Variants in INPP4B observed in about 807,000 individuals in gnomAD.
INPP4B encodes inositol polyphosphate 4-phosphatase type II.
Under a neutral mutation model 122.5 loss-of-function variants are expected in INPP4B, and 55 were observed. The observed-to-expected ratio is 0.45, with a 90% confidence interval of 0.36 to 0.56. The LOEUF (loss-of-function observed/expected upper bound fraction) is 0.56, where lower values mean the gene tolerates loss of function less well. INPP4B is among the 20% of genes least tolerant of loss of function. The pLI, the probability that INPP4B is intolerant of heterozygous loss-of-function variation, is 0.00. For synonymous variants in INPP4B, 403 were observed against 388.7 expected (o/e 1.04, Z -0.43); for missense variants, 1,000 against 1,097.7 (o/e 0.91, Z 1.26).
chr4:142,750,210 A>G (rs960433638), intron 1 of INPP4B, among the ~76,000 whole-genome samples: 4 of 151,784 alleles, frequency 2.6e-5, no homozygotes, highest in Non-Finnish European at 2.9e-5. Context: ...ACATATGTGG[A>G]AAAAAAATGC....
At chr4:142,257,154 A>C (rs2150323873) in intron 11 of INPP4B, among the ~76,000 whole-genome samples, 1 of 152,152 alleles carries the variant, frequency 6.6e-6, no homozygotes, top group African/African-American at 2.4e-5. Flanking sequence ...AAAATTCAAC[A>C]ACCCTTCATG....
At chr4:142,651,473 G>T (rs1752946374) in intron 2 of INPP4B, among the ~76,000 whole-genome samples, 1 of 151,972 alleles carries the variant, frequency 6.6e-6, no homozygotes, top group African/African-American at 2.4e-5. Flanking sequence ...TAGACCACTA[G>T]CAAGAATAAT....
intron 16 of INPP4B, among the ~76,000 whole-genome samples, chr4:142,172,950 C>A (rs528886721): frequency 6.6e-6 from 1 of 152,036 alleles, no homozygotes; most frequent in East Asian, 1.9e-4. Context: ...TGTCACTTGT[C>A]TTTTTCTATC....
At chr4:142,136,250 G>A (rs548058655) in intron 18 of INPP4B, among the ~76,000 whole-genome samples, 24 of 152,334 alleles carry the variant, frequency 1.6e-4, no homozygotes, top group Admixed American at 4.6e-4. Context: ...TTGGGCTGGC[G>A]TGAAGATGGA....
intron 11 of INPP4B, among the ~76,000 whole-genome samples, chr4:142,252,362 G>A (rs1732698410): frequency 6.6e-6 from 1 of 151,390 alleles, no homozygotes; most frequent in African/African-American, 2.4e-5. Context: ...CTAATTTTTT[G>A]TATTTTTAGT....
At chr4:142,157,284 T>C (rs1454090194) in intron 17 of INPP4B, among the ~76,000 whole-genome samples, 1 of 152,180 alleles carries the variant, frequency 6.6e-6, no homozygotes, top group Non-Finnish European at 1.5e-5. Context: ...GAAATATTGT[T>C]TCTATCTTTT....
chr4:142,614,719 G>T (rs1743323104), intron 2 of INPP4B, among the ~76,000 whole-genome samples: 1 of 152,034 alleles, frequency 6.6e-6, no homozygotes, highest in Admixed American at 6.6e-5. Flanking sequence ...ACATTAAAAA[G>T]TAGACAAAGG....
chr4:142,650,566 CA>C (rs1752724893), intron 2 of INPP4B, among the ~76,000 whole-genome samples: 1 of 151,026 alleles, frequency 6.6e-6, no homozygotes, highest in African/African-American at 2.4e-5. Context: ...GCAGGGGTTG[CA>C]ATCCTAGTCT....
intron 1 of INPP4B, among the ~76,000 whole-genome samples, chr4:142,815,130 A>G (rs1580982353): frequency 1.3e-5 from 2 of 152,160 alleles, no homozygotes; most frequent in East Asian, 3.8e-4. Flanking sequence ...AGGAAACACC[A>G]AATTACTCTA....
chr4:142,118,732 G>C (rs1412898103), intron 21 of INPP4B, among the ~76,000 whole-genome samples: 5 of 152,096 alleles, frequency 3.3e-5, no homozygotes, highest in African/African-American at 1.2e-4. Flanking sequence ...ACATAGGCAT[G>C]GGCAAGGACT....
chr4:142,732,204 T>G (rs1247052152), intron 1 of INPP4B, among the ~76,000 whole-genome samples: 2 of 152,186 alleles, frequency 1.3e-5, no homozygotes, highest in Non-Finnish European at 2.9e-5. Context: ...TGAAGAGTAT[T>G]ATGCTTATGA....
At chr4:142,648,114 G>A (rs963744227) in intron 2 of INPP4B, among the ~76,000 whole-genome samples, 1 of 152,216 alleles carries the variant, frequency 6.6e-6, no homozygotes, top group Admixed American at 6.5e-5. Flanking sequence ...GTATTTCCTG[G>A]GTTAGTTTCC....
At position 142,427,678 on chromosome 4, in the gene INPP4B, T is replaced by G. The variant is rs1032518274; in HGVS notation, c.136+1495A>C. On this transcript the variant is annotated intron_variant, in intron 5 of 25. Transcript: ENST00000262992. ...CCCTAATTGCTTCTGCTGCTTCAGA[T>G]TCCCTCTTTCTCCAGCAGGCAAACA... Among the ~76,000 whole-genome samples the G allele has an allele frequency of 3.3e-5, 5 of 152,044 alleles. No individual in the cohort carries two copies. The South Asian group carries it at 8.3e-4, about 25-fold the overall frequency.
chr4:142,627,654 C>T (rs1412115951), intron 2 of INPP4B, among the ~76,000 whole-genome samples: 2 of 148,800 alleles, frequency 1.3e-5, no homozygotes, highest in African/African-American at 4.9e-5. Flanking sequence ...ATTCGGTTTG[C>T]CAGTATTTTA....
chr4:142,827,725 C>T (rs1781619760), intron 1 of INPP4B, among the ~76,000 whole-genome samples: 1 of 152,128 alleles, frequency 6.6e-6, no homozygotes, highest in African/African-American at 2.4e-5. Flanking sequence ...CCCTCCCTAT[C>T]TACAGAAAAA....
At chr4:142,677,938 T>A (rs6537122) in intron 2 of INPP4B, among the ~76,000 whole-genome samples, 129,629 of 151,806 alleles carry the variant, frequency 0.85, 55,392 homozygotes, top group African/African-American at 0.89. Context: ...ACGTATACCT[T>A]TGTAACAAAC....
chr4:142,637,251 TG>T (rs918858343), intron 2 of INPP4B, among the ~76,000 whole-genome samples: 7 of 152,186 alleles, frequency 4.6e-5, no homozygotes, highest in African/African-American at 1.7e-4. Context: ...GTATATTCTA[TG>T]GGTTTTGACA....
At chr4:142,536,388 G>A (rs994787501) in intron 2 of INPP4B, among the ~76,000 whole-genome samples, 2 of 151,908 alleles carry the variant, frequency 1.3e-5, no homozygotes, top group East Asian at 1.9e-4. Flanking sequence ...AATTGAAACC[G>A]AAACATTTCT....
At chr4:142,133,333 T>C (rs1210342087) in intron 18 of INPP4B, among the ~76,000 whole-genome samples, 3 of 152,180 alleles carry the variant, frequency 2.0e-5, no homozygotes, top group Non-Finnish European at 4.4e-5. Flanking sequence ...ACTGCAAACT[T>C]GATATCTCCA....
Sources: gnomAD v4.1 joint callset for allele counts (sites outside exome capture counted in the v4.1 genomes callset) on GRCh38, gnomAD v4.1.1 for gene constraint, MANE v1.5 for transcripts, NCBI Gene and HGNC (gene_info 2026-07-23, HGNC 2026-07-21) for gene names.